The following ARMC2 variants were observed in gnomAD, a reference collection of about 807,000 sequenced individuals.
ARMC2 encodes the protein armadillo repeat-containing protein 2.
ARMC2 carries 67 observed loss-of-function variants against 90.3 expected under a neutral mutation model. The ratio of observed to expected loss-of-function variants is 0.74; its 90% CI spans 0.61 to 0.91. ARMC2 has a LOEUF of 0.91. Ranked by LOEUF, ARMC2 falls within the 40% of genes least tolerant of loss-of-function variation. The pLI is 0.00. For missense variants in ARMC2, 920 were observed against 1,030.9 expected, an observed-to-expected ratio of 0.89 and a Z score of 1.47; for synonymous variants, 393 against 393.0, an observed-to-expected ratio of 1.00 and a Z score of 0.00.
At chr6:108,956,529 T>C (rs1324408846) in intron 13 of ARMC2, among the ~76,000 whole-genome samples, 9 of 145,520 alleles carry the variant, frequency 6.2e-5, no homozygotes, top group African/African-American at 2.3e-4. Context: ...AAACCCTGTC[T>C]CTATTAAAAA....
In ARMC2 at chr6:108,969,164, G is replaced by A. The variant is rs371432790; in HGVS notation, c.2446+4024G>A. On this transcript the variant is annotated intron_variant, in intron 17 of 17. Coordinates refer to ENST00000392644, the MANE Select transcript of ARMC2 (RefSeq NM_032131.6). ...TTAGGTTTTGTGACAAGGGTAGAGC[G>A]GGGCCCCACGTTCAAGTTGGAGGAT... Among the ~76,000 whole-genome samples the A allele has an allele frequency of 2.6e-5, 4 of 152,172 alleles. No homozygotes were observed. In the South Asian group the frequency reaches 6.2e-4, roughly 24 times the overall value.
the ARMC2 span, among the ~76,000 whole-genome samples, chr6:109,017,173 T>C: frequency 1.3e-4 from 20 of 152,174 alleles, no homozygotes; most frequent in Non-Finnish European, 1.0e-4. Flanking sequence ...AAGGCTCTAT[T>C]TGGCATTGAG....
chr6:109,022,445 T>C, the ARMC2 span, among the ~76,000 whole-genome samples: 12,178 of 121,394 alleles, frequency 0.1, 772 homozygotes, highest in Middle Eastern at 0.23. Flanking sequence ...TTTTTTGAGA[T>C]GGAATCTCAT....
the ARMC2 span, among the ~76,000 whole-genome samples, chr6:108,985,927 G>A: frequency 2.6e-5 from 4 of 152,094 alleles, no homozygotes; most frequent in Non-Finnish European, 5.9e-5. Context: ...TTATAGTCTT[G>A]TCTTCTCATG....
At chr6:109,027,663 G>A in the ARMC2 span, among the ~76,000 whole-genome samples, 2,835 of 152,140 alleles carry the variant, frequency 0.019, 36 homozygotes, top group Non-Finnish European at 0.029. Flanking sequence ...GGAGCAGGTT[G>A]TTACTGGTAT....
the ARMC2 span, among the ~76,000 whole-genome samples, chr6:109,007,646 G>A: frequency 1.4e-3 from 209 of 152,076 alleles, no homozygotes; most frequent in African/African-American, 4.8e-3. Flanking sequence ...CTGGCCTTTC[G>A]ACATTCAAAA....
intron 13 of ARMC2, among the ~76,000 whole-genome samples, chr6:108,959,883 A>G (rs369897225): frequency 1.1e-4 from 17 of 151,966 alleles, no homozygotes; most frequent in African/African-American, 3.9e-4. Flanking sequence ...ACGGGGTTTC[A>G]CCATGTTGTC....
chr6:108,875,766 G>C (rs377212438), intron 4 of ARMC2, among the ~76,000 whole-genome samples: 3 of 152,164 alleles, frequency 2.0e-5, no homozygotes, highest in African/African-American at 7.2e-5. Context: ...ACATGGGGGA[G>C]CCACTCAGTA....
the ARMC2 span, among the ~76,000 whole-genome samples, chr6:109,039,645 T>A: frequency 6.6e-6 from 1 of 152,190 alleles, no homozygotes; most frequent in East Asian, 1.9e-4. Context: ...CCAAAATATA[T>A]AGATGATTTA....
the ARMC2 span, among the ~76,000 whole-genome samples, chr6:109,019,926 T>C: frequency 3.9e-5 from 6 of 152,190 alleles, no homozygotes; most frequent in South Asian, 2.1e-4. Context: ...TCTTCAAATA[T>C]TGCACACTAA....
intron 8 of ARMC2, among the ~76,000 whole-genome samples, chr6:108,910,471 AAGAG>A (rs544526938): frequency 6.6e-6 from 1 of 152,076 alleles, no homozygotes; most frequent in Non-Finnish European, 1.5e-5. Context: ...TAAAAAAGAA[AAGAG>A]AGAGAGAGAC....
the ARMC2 span, among the ~76,000 whole-genome samples, chr6:108,990,099 G>C: frequency 1.3e-5 from 2 of 152,226 alleles, no homozygotes; most frequent in African/African-American, 2.4e-5. Flanking sequence ...CTGTAGCTCA[G>C]AGTTTGTGTG....
At chr6:108,994,383 C>A in the ARMC2 span, 2 of 1,194,138 alleles carry the variant, frequency 1.7e-6, no homozygotes, top group Non-Finnish European at 2.4e-6. Flanking sequence ...TAGATTGATG[C>A]TTTAAAAGTT....
intron 12 of ARMC2, among the ~76,000 whole-genome samples, chr6:108,946,986 A>G (rs1482657092): frequency 6.6e-6 from 1 of 152,216 alleles, no homozygotes; most frequent in Non-Finnish European, 1.5e-5. Context: ...CAGATGATGC[A>G]TTAGATGCTG....
intron 1 of ARMC2, among the ~76,000 whole-genome samples, chr6:108,853,144 A>G (rs1489822403): frequency 6.6e-6 from 1 of 152,198 alleles, no homozygotes; most frequent in East Asian, 1.9e-4. Flanking sequence ...TTACTGTTTT[A>G]ACTCAACACC....
Position 108,912,525 on chromosome 6 carries a change from A to C in ARMC2, c.1317A>C (p.Thr439=). Residue 439 remains threonine (T), a synonymous_variant, in exon 10 of 18, where the codon ACA becomes ACC. Coordinates refer to ENST00000392644, the MANE Select transcript of ARMC2 (RefSeq NM_032131.6). ...ATGAGAACATCAAGAAATGTGGTACATTTTTGCCTAATTCGGGCCACTTGC... is the reference window on the plus strand; with the variant it reads ...ATGAGAACATCAAGAAATGTGGTACCTTTTTGCCTAATTCGGGCCACTTGC... ...QINENIKKCG[T]FLPNSGHLLV... 1.2e-6 allele frequency: 2 copies of C among 1,613,932 alleles called. No individual in the cohort carries two copies.
At chr6:109,044,311 C>CAAAAAAAAAAAAAA in the ARMC2 span, among the ~76,000 whole-genome samples, 2 of 28,472 alleles carry the variant, frequency 7.0e-5, no homozygotes, top group African/African-American at 2.0e-4. Flanking sequence ...GAACTTGCCT[C>CAAAAAAAAAAAAAA]AAAAAAAAAA....
the ARMC2 span, among the ~76,000 whole-genome samples, chr6:109,017,252 A>T: frequency 6.6e-6 from 1 of 152,188 alleles, no homozygotes; most frequent in Non-Finnish European, 1.5e-5. Context: ...TTAGCATTCA[A>T]TCATTCATTA....
At chr6:109,022,204 A>G in the ARMC2 span, among the ~76,000 whole-genome samples, 1 of 152,290 alleles carries the variant, frequency 6.6e-6, no homozygotes, top group East Asian at 1.9e-4. Context: ...AGAATGCCTT[A>G]AGCTACAAAG....
Sources: gnomAD v4.1 joint callset for allele counts (sites outside exome capture counted in the v4.1 genomes callset) on GRCh38, gnomAD v4.1.1 for gene constraint, MANE v1.5 for transcripts, NCBI Gene and HGNC (gene_info 2026-07-23, HGNC 2026-07-21) for gene names.